The following HS6ST3 variants were observed in gnomAD, a reference collection of about 807,000 sequenced individuals.
HS6ST3 encodes heparan-sulfate 6-O-sulfotransferase 3.
A neutral mutation model predicts 36.7 loss-of-function variants in HS6ST3; 12 were observed. The observed-to-expected ratio is 0.33, with a 90% CI of 0.21 to 0.53. The LOEUF (loss-of-function observed/expected upper bound fraction) is 0.53. HS6ST3 is among the 20% of genes least tolerant of loss of function. The pLI, the probability that HS6ST3 is intolerant of heterozygous loss-of-function variation, is 0.95. For synonymous variants in HS6ST3, 240 were observed against 257.5 expected (o/e 0.93, Z 0.65); for missense variants, 584 against 640.9 (o/e 0.91, Z 0.96).
chr13:96,264,592 C>T (rs1302014602), intron 1 of HS6ST3, among the ~76,000 whole-genome samples: 1 of 152,186 alleles, frequency 6.6e-6, no homozygotes, highest in African/African-American at 2.4e-5. Flanking sequence ...GAGCCTGGCC[C>T]TCATGAATGG....
Position 96,376,869 on chromosome 13 carries a change from A to C in HS6ST3, c.707+285300A>C, listed in dbSNP as rs1183786645. Among the ~76,000 whole-genome samples the C allele has an allele frequency of 2.6e-5, 4 of 152,044 alleles. No homozygotes were observed. In the East Asian group the frequency reaches 7.7e-4, roughly 29 times the overall value. Reference sequence around the variant, plus strand: ...GGTAGCTCATGCCTGTAATCCCAGCACTTTGGGAGGCTGATGCTGGAGGAT... The same window carrying C: ...GGTAGCTCATGCCTGTAATCCCAGCCCTTTGGGAGGCTGATGCTGGAGGAT... On this transcript the variant is annotated intron_variant, in intron 1 of 1. Coordinates refer to ENST00000376705, the MANE Select transcript of HS6ST3 (RefSeq NM_153456.4).
At chr13:96,497,421 T>C (rs979692507) in intron 1 of HS6ST3, among the ~76,000 whole-genome samples, 1 of 152,182 alleles carries the variant, frequency 6.6e-6, no homozygotes, top group Non-Finnish European at 1.5e-5. Context: ...CTGAGACCCA[T>C]CTAATCAATG....
chr13:96,567,751 G>A (rs2056286825), intron 1 of HS6ST3, among the ~76,000 whole-genome samples: 1 of 152,294 alleles, frequency 6.6e-6, no homozygotes, highest in South Asian at 2.1e-4. Flanking sequence ...TAACATGTAT[G>A]AAACACTTAT....
At chr13:96,791,473 T>C (rs545098704) in intron 1 of HS6ST3, among the ~76,000 whole-genome samples, 1 of 151,934 alleles carries the variant, frequency 6.6e-6, no homozygotes, top group Non-Finnish European at 1.5e-5. Context: ...CTCAGAATCC[T>C]CCTAAACACA....
intron 1 of HS6ST3, among the ~76,000 whole-genome samples, chr13:96,266,926 G>A (rs143970598): frequency 3.0e-4 from 46 of 152,284 alleles, no homozygotes; most frequent in African/African-American, 9.1e-4. Flanking sequence ...TGAAAGATTG[G>A]TGATATGGTT....
chr13:96,600,566 G>A (rs573244795), intron 1 of HS6ST3, among the ~76,000 whole-genome samples: 1 of 152,060 alleles, frequency 6.6e-6, no homozygotes, highest in African/African-American at 2.4e-5. Flanking sequence ...ACCTTTACAA[G>A]TTAATTGGGT....
At chr13:96,327,172 T>C (rs1284083067) in intron 1 of HS6ST3, among the ~76,000 whole-genome samples, 1 of 151,072 alleles carries the variant, frequency 6.6e-6, no homozygotes, top group African/African-American at 2.4e-5. Context: ...GTGCAGAAGC[T>C]CTTTAGTTTA....
intron 1 of HS6ST3, among the ~76,000 whole-genome samples, chr13:96,451,010 C>A (rs1293106000): frequency 6.6e-6 from 1 of 152,068 alleles, no homozygotes; most frequent in Non-Finnish European, 1.5e-5. Flanking sequence ...CAGATTTAGT[C>A]TCTCATGAAA....
At chr13:96,119,055 A>G (rs1007396004) in intron 1 of HS6ST3, among the ~76,000 whole-genome samples, 1 of 152,266 alleles carries the variant, frequency 6.6e-6, no homozygotes. Flanking sequence ...AAAAATATAA[A>G]GGACAAGATG....
At chr13:96,429,901 T>G (rs748030418) in intron 1 of HS6ST3, among the ~76,000 whole-genome samples, 1 of 152,358 alleles carries the variant, frequency 6.6e-6, no homozygotes, top group South Asian at 2.1e-4. Flanking sequence ...AGCCACTGTG[T>G]GTTACTGGAT....
chr13:96,303,799 A>G (rs972548319), intron 1 of HS6ST3, among the ~76,000 whole-genome samples: 4 of 152,188 alleles, frequency 2.6e-5, no homozygotes, highest in Non-Finnish European at 5.9e-5. Context: ...TAAATATCTA[A>G]TCGAATTCAC....
At chr13:96,195,159 A>C (rs1247260361) in intron 1 of HS6ST3, among the ~76,000 whole-genome samples, 4 of 152,328 alleles carry the variant, frequency 2.6e-5, no homozygotes, top group African/African-American at 9.6e-5. Context: ...TCTTTTTTAA[A>C]ATGTCAAAAC....
intron 1 of HS6ST3, among the ~76,000 whole-genome samples, chr13:96,438,147 A>G (rs9556593): frequency 0.061 from 9,238 of 152,266 alleles, 629 homozygotes; most frequent in Admixed American, 0.2. Context: ...TTCATTCAAT[A>G]TAAACACCAC....
intron 1 of HS6ST3, among the ~76,000 whole-genome samples, chr13:96,410,657 G>A (rs2055502939): frequency 6.6e-6 from 1 of 152,028 alleles, no homozygotes; most frequent in Non-Finnish European, 1.5e-5. Flanking sequence ...TATTCCAGTT[G>A]CATTCAATGT....
intron 1 of HS6ST3, among the ~76,000 whole-genome samples, chr13:96,399,576 C>A (rs186063758): frequency 1.3e-5 from 2 of 152,142 alleles, no homozygotes; most frequent in Admixed American, 1.3e-4. Context: ...TGAAGAAATG[C>A]GCAGAGTTAC....
chr13:96,195,998 C>T (rs2054311012), intron 1 of HS6ST3, among the ~76,000 whole-genome samples: 1 of 152,030 alleles, frequency 6.6e-6, no homozygotes, highest in Non-Finnish European at 1.5e-5. Context: ...ATCCCAGGAA[C>T]CAAACAATTT....
At chr13:96,158,652 CAAAAAAAAA>C (rs397954592) in intron 1 of HS6ST3, among the ~76,000 whole-genome samples, 1 of 68,904 alleles carries the variant, frequency 1.5e-5, no homozygotes, top group East Asian at 4.2e-4. Flanking sequence ...GACTCCGTCT[CAAAAAAAAA>C]AAAAAAAAAA....
intron 1 of HS6ST3, among the ~76,000 whole-genome samples, chr13:96,240,747 G>A (rs148197211): frequency 1.3e-5 from 2 of 152,326 alleles, no homozygotes; most frequent in African/African-American, 2.4e-5. Flanking sequence ...AACCTGGGAT[G>A]CTATTGGAAA....
chr13:96,165,814 C>T (rs968289061), intron 1 of HS6ST3, among the ~76,000 whole-genome samples: 5 of 152,096 alleles, frequency 3.3e-5, no homozygotes, highest in African/African-American at 9.7e-5. Context: ...GTGAAGAATA[C>T]GGTCCTCCCT....
Sources: gnomAD v4.1 joint callset for allele counts (sites outside exome capture counted in the v4.1 genomes callset) on GRCh38, gnomAD v4.1.1 for gene constraint, MANE v1.5 for transcripts, NCBI Gene and HGNC (gene_info 2026-07-23, HGNC 2026-07-21) for gene names.